Variants in PPM1E observed in about 807,000 individuals in gnomAD.
PPM1E encodes protein phosphatase, Mg2+/Mn2+ dependent 1E, also known as protein phosphatase 1E.
A neutral mutation model predicts 65.9 loss-of-function variants in PPM1E; 20 were observed. That is an observed-to-expected ratio of 0.30 (90% CI 0.21 to 0.44). The LOEUF is 0.44. PPM1E is among the 20% of genes least tolerant of loss of function. PPM1E has a pLI of 1.00. For synonymous variants in PPM1E, 352 were observed against 374.9 expected (o/e 0.94, Z 0.70); for missense variants, 713 against 953.1 (o/e 0.75, Z 3.32).
intron 1 of PPM1E, among the ~76,000 whole-genome samples, chr17:58,887,162 C>CTT (rs71143300): frequency 0.031 from 3,512 of 111,668 alleles, 175 homozygotes; most frequent in Middle Eastern, 0.045. Flanking sequence ...AGGCCTTCTT[C>CTT]TTTTTTTTTT....
chr17:58,972,226 G>A lies in PPM1E; in HGVS notation c.1067G>A (p.Arg356Lys), dbSNP rs1797948990. 6.2e-7 allele frequency: 1 copy of A among 1,614,164 alleles called. No homozygotes were observed. Among genetic ancestry groups the A allele is most frequent in the South Asian group, 1.1e-5 (1 of 91,086 alleles). ...WVGDSQVMLV[R>K]KGQAVELMKP... The stretch of plus-strand genomic sequence containing the variant: ...GGTGATTCCCAGGTTATGCTTGTGA[G>A]AAAGGGCCAAGCTGTTGAACTAATG... Residue 356 changes from arginine (R) to lysine (K), a missense_variant, in exon 5 of 7, where the codon AGA becomes AAA. Arg to Lys is a conservative substitution (Grantham distance 26). Coordinates refer to ENST00000308249, the MANE Select transcript of PPM1E (RefSeq NM_014906.5).
chr17:58,854,543 G>C (rs896042028), intron 1 of PPM1E, among the ~76,000 whole-genome samples: 19 of 151,908 alleles, frequency 1.3e-4, no homozygotes, highest in African/African-American at 3.9e-4. Context: ...GCTTTTTGTG[G>C]GTTTTTCATA....
At chr17:58,979,920 A>G in intron 6 of PPM1E, 54 bp from the exon 7 acceptor site, 1 of 1,420,358 alleles carries the variant, frequency 7.0e-7, no homozygotes, top group Non-Finnish European at 9.7e-7. Flanking sequence ...AAACGTTCTT[A>G]GCATGCAAGG....
At chr17:58,767,755 G>A (rs2049895419) in intron 1 of PPM1E, among the ~76,000 whole-genome samples, 1 of 152,060 alleles carries the variant, frequency 6.6e-6, no homozygotes, top group African/African-American at 2.4e-5. Context: ...TGATTCTCCT[G>A]CCTTAGGCTC....
intron 1 of PPM1E, among the ~76,000 whole-genome samples, chr17:58,829,132 T>C (rs970205307): frequency 2.6e-5 from 4 of 151,864 alleles, no homozygotes; most frequent in Non-Finnish European, 5.9e-5. Flanking sequence ...AACCTCCGCC[T>C]CCCGGGTTCA....
At chr17:58,939,033 C>T (rs1392227881) in intron 1 of PPM1E, among the ~76,000 whole-genome samples, 1 of 152,006 alleles carries the variant, frequency 6.6e-6, no homozygotes, top group Non-Finnish European at 1.5e-5. Flanking sequence ...GGTAATCCAC[C>T]CACCTCAGCC....
intron 1 of PPM1E, among the ~76,000 whole-genome samples, chr17:58,938,240 C>T (rs2052012574): frequency 6.6e-6 from 1 of 152,136 alleles, no homozygotes; most frequent in Non-Finnish European, 1.5e-5. Context: ...TTATTTTATT[C>T]TAACTTAATT....
At chr17:58,904,362 A>G (rs1369600844) in intron 1 of PPM1E, among the ~76,000 whole-genome samples, 3 of 152,172 alleles carry the variant, frequency 2.0e-5, no homozygotes, top group Non-Finnish European at 2.9e-5. Context: ...AGGCTGGGGA[A>G]ATGATTTCTA....
intron 1 of PPM1E, among the ~76,000 whole-genome samples, chr17:58,905,239 A>C (rs1482083982): frequency 1.3e-5 from 2 of 152,200 alleles, no homozygotes; most frequent in Non-Finnish European, 2.9e-5. Context: ...CTTCAAGTAC[A>C]ATGTTGAAAA....
chr17:58,923,863 A>G (rs900693434), intron 1 of PPM1E, among the ~76,000 whole-genome samples: 10 of 148,312 alleles, frequency 6.7e-5, no homozygotes, highest in African/African-American at 2.5e-4. Context: ...GCAGTGAGCT[A>G]TGCTTGCATC....
In PPM1E at chr17:58,756,078, C is replaced by A; in HGVS notation, c.81C>A (p.Gly27=). The change falls in exon 1 of 7, where the codon GGC becomes GGA. Residue 27 remains glycine (G), a synonymous_variant. Transcript: ENST00000308249. ...TGGGCGAGTTTCGCGGACCGTGCGG[C>A]GGCGGCGAGCCGGAGCCGGAACCCG... The part of the protein sequence containing the change: ...LFLGEFRGPC[G]GGEPEPEPEP... The A allele has an allele frequency of 6.2e-7, 1 of 1,610,308 alleles. No individual in the cohort carries two copies. The highest frequency in any genetic ancestry group is 8.5e-7 in the Non-Finnish European group (1 of 1,179,130).
At chr17:58,937,062 C>G (rs905239444) in intron 1 of PPM1E, among the ~76,000 whole-genome samples, 1 of 150,670 alleles carries the variant, frequency 6.6e-6, no homozygotes, top group African/African-American at 2.4e-5. Context: ...TTTGGGAGGC[C>G]GAGGTGGGCG....
At chr17:58,759,552 T>A (rs2049802910) in intron 1 of PPM1E, among the ~76,000 whole-genome samples, 1 of 152,226 alleles carries the variant, frequency 6.6e-6, no homozygotes, top group Admixed American at 6.5e-5. Flanking sequence ...AAGAAGCAAA[T>A]ATTCTGAAGT....
chr17:58,948,184 G>GT (rs1206065538), intron 1 of PPM1E, among the ~76,000 whole-genome samples: 1 of 152,158 alleles, frequency 6.6e-6, no homozygotes, highest in East Asian at 1.9e-4. Context: ...TTTAGATTAG[G>GT]AAGGGAAACA....
chr17:58,892,236 C>G (rs2051356786), intron 1 of PPM1E, among the ~76,000 whole-genome samples: 1 of 152,088 alleles, frequency 6.6e-6, no homozygotes, highest in African/African-American at 2.4e-5. Flanking sequence ...AAAATTTATA[C>G]TTAGGTAAAA....
At position 58,981,653 on chromosome 17, in the gene PPM1E, T is replaced by C. The variant is rs533480337; in HGVS notation, c.*622T>C. On this transcript the variant is annotated 3_prime_UTR_variant, in exon 7 of 7. Transcript: ENST00000308249. ...TTTATAGTCAGAAAGATTTACGGAT[T>C]TTTTTCCTGTAACATAAAAGATTGT... 1 of 152,768 alleles carries C rather than the reference T, an allele frequency of 6.5e-6. No homozygotes were observed. Among genetic ancestry groups the C allele is most frequent in the Non-Finnish European group, 1.5e-5 (1 of 68,036 alleles). 9.5% of individuals were successfully genotyped at this position (152,768 alleles called of 1,614,324 possible).
At chr17:58,774,921 C>A (rs377735208) in intron 1 of PPM1E, among the ~76,000 whole-genome samples, 1 of 151,564 alleles carries the variant, frequency 6.6e-6, no homozygotes, top group Non-Finnish European at 1.5e-5. Flanking sequence ...GGCGTGATCT[C>A]GGCTCACTGC....
chr17:58,943,953 A>C (rs2052108776), intron 1 of PPM1E, among the ~76,000 whole-genome samples: 1 of 152,180 alleles, frequency 6.6e-6, no homozygotes. Flanking sequence ...TTAAATGGGA[A>C]TACCCGTCGT....
intron 1 of PPM1E, among the ~76,000 whole-genome samples, chr17:58,825,487 G>T (rs1598594692): frequency 1.3e-5 from 2 of 151,712 alleles, no homozygotes; most frequent in Non-Finnish European, 2.9e-5. Flanking sequence ...AGTTTAGAAA[G>T]CTTTGTGTTA....
Sources: allele counts gnomAD v4.1 joint callset (sites outside exome capture counted in the v4.1 genomes callset), GRCh38; gene constraint gnomAD v4.1.1; transcripts MANE v1.5; gene names NCBI Gene and HGNC (gene_info 2026-07-23, HGNC 2026-07-21).